OSTN: variants seen among roughly 807,000 people sequenced by gnomAD.
OSTN encodes osteocrin.
A neutral mutation model predicts 12.0 loss-of-function variants in OSTN; 9 were observed. That is an observed-to-expected ratio of 0.75 (90% CI 0.45 to 1.30). The LOEUF (loss-of-function observed/expected upper bound fraction) is 1.30, where lower values mean the gene tolerates loss of function less well. Among genes scored for constraint, OSTN ranks in the 50% most tolerant of loss-of-function variants. The probability of loss-of-function intolerance (pLI) is 0.00; values close to 1 mark genes in which losing one functional copy is unlikely to be tolerated. For missense variants in OSTN, 148 were observed against 152.3 expected (o/e 0.97, Z 0.15); for synonymous variants, 59 against 56.9 (o/e 1.04, Z -0.16).
intron 1 of OSTN, 45 bp from the exon 2 acceptor site, chr3:191,212,488 C>A: frequency 7.5e-7 from 1 of 1,330,978 alleles, no homozygotes; most frequent in East Asian, 2.5e-5. Flanking sequence ...TTTGTCTTTA[C>A]ATTCCAAACG....
At chr3:191,231,859 C>T (rs1715064240) in intron 3 of OSTN, among the ~76,000 whole-genome samples, 1 of 152,032 alleles carries the variant, frequency 6.6e-6, no homozygotes, top group African/African-American at 2.4e-5. Flanking sequence ...CCTATGAACC[C>T]CTTCTCAGAG....
At chr3:191,228,481 A>G (rs1425417683) in intron 3 of OSTN, among the ~76,000 whole-genome samples, 1 of 152,212 alleles carries the variant, frequency 6.6e-6, no homozygotes, top group Non-Finnish European at 1.5e-5. Context: ...TCCCTCAGAT[A>G]TTACTAAAAT....
intron 1 of OSTN, among the ~76,000 whole-genome samples, chr3:191,208,213 T>G (rs1714328503): frequency 6.6e-6 from 1 of 152,214 alleles, no homozygotes; most frequent in African/African-American, 2.4e-5. Flanking sequence ...CATTGAACTT[T>G]CTGTGATCTA....
chr3:191,232,029 T>C (rs1444627367), intron 3 of OSTN, among the ~76,000 whole-genome samples: 2 of 151,870 alleles, frequency 1.3e-5, no homozygotes, highest in Middle Eastern at 6.3e-3. Context: ...TGTAAAGATA[T>C]GTCTGCAAAC....
chr3:191,207,996 A>C (rs1331161749), intron 1 of OSTN, among the ~76,000 whole-genome samples: 1 of 152,242 alleles, frequency 6.6e-6, no homozygotes, highest in Non-Finnish European at 1.5e-5. Flanking sequence ...TAAAACGTCA[A>C]AACACATAAT....
At chr3:191,241,196 T>TTTTTTGG (rs1715312853) in intron 3 of OSTN, among the ~76,000 whole-genome samples, 1 of 121,122 alleles carries the variant, frequency 8.3e-6, no homozygotes, top group Non-Finnish European at 1.6e-5. Flanking sequence ...TTTTTTTTTT[T>TTTTTTGG]GAGACGGAGC....
At chr3:191,246,645 G>A (rs938177091) in intron 3 of OSTN, among the ~76,000 whole-genome samples, 2 of 150,458 alleles carry the variant, frequency 1.3e-5, no homozygotes, top group Non-Finnish European at 3.0e-5. Context: ...AAAAGAAGAA[G>A]AGGAAGGGAA....
intron 4 of OSTN, among the ~76,000 whole-genome samples, chr3:191,255,675 C>A (rs1715653887): frequency 6.6e-6 from 1 of 151,730 alleles, no homozygotes; most frequent in African/African-American, 2.4e-5. Context: ...CAAAAGTATG[C>A]TTTATCCAAT....
At chr3:191,258,685 C>A (rs1324551699) in intron 4 of OSTN, among the ~76,000 whole-genome samples, 1 of 151,708 alleles carries the variant, frequency 6.6e-6, no homozygotes, top group African/African-American at 2.4e-5. Flanking sequence ...TCAAGGCTTT[C>A]ACTGAATCCC....
intron 1 of OSTN, among the ~76,000 whole-genome samples, chr3:191,205,551 T>C (rs1714253425): frequency 6.6e-6 from 1 of 151,904 alleles, no homozygotes; most frequent in Non-Finnish European, 1.5e-5. Context: ...AATTCGTATT[T>C]TGTCTTCACC....
chr3:191,227,937 A>AT (rs937568148), intron 3 of OSTN, among the ~76,000 whole-genome samples: 1 of 152,068 alleles, frequency 6.6e-6, no homozygotes, highest in African/African-American at 2.4e-5. Context: ...ACTTTATTTC[A>AT]TTTTTTCCAT....
intron 2 of OSTN, 56 bp from the exon 3 acceptor site, chr3:191,218,691 A>T: frequency 7.0e-7 from 1 of 1,421,764 alleles, no homozygotes; most frequent in Admixed American, 1.8e-5. Flanking sequence ...ATGCATATGT[A>T]CATACTTGGA....
intron 4 of OSTN, among the ~76,000 whole-genome samples, chr3:191,253,109 T>C (rs1715596807): frequency 6.6e-6 from 1 of 152,200 alleles, no homozygotes; most frequent in Admixed American, 6.5e-5. Flanking sequence ...GTGCTAAGTT[T>C]TCATTGTTGG....
chr3:191,236,548 C>CA (rs372187310), intron 3 of OSTN, among the ~76,000 whole-genome samples: 2,263 of 133,528 alleles, frequency 0.017, 26 homozygotes, highest in Non-Finnish European at 0.023. Context: ...GATAATAACG[C>CA]AAAAAAAAAA....
chr3:191,200,438 G>A (rs1205225629), intron 1 of OSTN, among the ~76,000 whole-genome samples: 2 of 152,044 alleles, frequency 1.3e-5, no homozygotes, highest in Non-Finnish European at 2.9e-5. Flanking sequence ...GAACCTCAGG[G>A]CTATAATTTT....
At chr3:191,237,602 G>A (rs749467710) in intron 3 of OSTN, among the ~76,000 whole-genome samples, 1 of 152,158 alleles carries the variant, frequency 6.6e-6, no homozygotes, top group South Asian at 2.1e-4. Flanking sequence ...TCTTTCAGTG[G>A]AATGCCCCTA....
chr3:191,224,568 G>C lies in OSTN; in HGVS notation c.317+5607G>C, dbSNP rs547236332. Among the ~76,000 whole-genome samples, 10 of 151,926 alleles carry C rather than the reference G, an allele frequency of 6.6e-5. 1 individual carries two copies. The highest frequency in any genetic ancestry group is 2.4e-4 in the African/African-American group (10 of 41,372). ...TATAACTTATTTTCCAGTGAATATG[G>C]AACATTTATAAAATTTACCATATCT... On this transcript the variant is annotated intron_variant, in intron 3 of 4. Transcript: ENST00000682035.
chr3:191,239,886 G>A (rs1352662815), intron 3 of OSTN, among the ~76,000 whole-genome samples: 1 of 152,130 alleles, frequency 6.6e-6, no homozygotes, highest in East Asian at 1.9e-4. Flanking sequence ...CAGGTTATCG[G>A]CTTGCTTCCT....
intron 3 of OSTN, among the ~76,000 whole-genome samples, chr3:191,231,768 T>A (rs552181956): frequency 6.6e-6 from 1 of 152,318 alleles, no homozygotes; most frequent in African/African-American, 2.4e-5. Flanking sequence ...TTCCATACTC[T>A]GTGCTTAAAG....
Sources: allele counts gnomAD v4.1 joint callset (sites outside exome capture counted in the v4.1 genomes callset), GRCh38; gene constraint gnomAD v4.1.1; transcripts MANE v1.5; gene names NCBI Gene and HGNC (gene_info 2026-07-23, HGNC 2026-07-21).